ABCC4: variants seen among roughly 807,000 people sequenced by gnomAD.
ABCC4 encodes the protein ATP binding cassette subfamily C member 4 (PEL blood group).
A neutral mutation model predicts 168.5 loss-of-function variants in ABCC4; 102 were observed. The ratio of observed to expected loss-of-function variants is 0.61; its 90% confidence interval spans 0.52 to 0.71. ABCC4 has a LOEUF of 0.71. Ranked by LOEUF, ABCC4 falls within the 30% of genes least tolerant of loss-of-function variation. The pLI is 0.00. For missense variants in ABCC4, 1,402 were observed against 1,605.8 expected, an observed-to-expected ratio of 0.87 and a Z score of 2.17; for synonymous variants, 617 against 590.7, an observed-to-expected ratio of 1.04 and a Z score of -0.65.
At chr13:95,116,066 G>A (rs1177009225) in intron 19 of ABCC4, 65 bp from the exon 20 acceptor site, 44 of 1,207,278 alleles carry the variant, frequency 3.6e-5, no homozygotes, top group African/African-American at 9.2e-5. Flanking sequence ...GAAACAATTC[G>A]CAAACAAATC....
intron 18 of ABCC4, chr13:95,161,813 C>T (rs1187553267): frequency 6.6e-6 from 1 of 152,140 alleles, no homozygotes; most frequent in Non-Finnish European, 1.5e-5. Flanking sequence ...TTTAAAAATA[C>T]CGTATTAAGT....
chr13:95,195,620 A>G (rs1035501265), intron 8 of ABCC4, among the ~76,000 whole-genome samples: 2 of 152,060 alleles, frequency 1.3e-5, no homozygotes, highest in African/African-American at 4.8e-5. Flanking sequence ...TCTTTTCACA[A>G]TCACCTATTA....
rs1212411001 is a variant in ABCC4 at position 95,188,482 on chromosome 13, C to T, written c.1324G>A (p.Ala442Thr). Reference sequence around the variant, plus strand: ...CCTGCTCCCACGGGGCCGACCACAGCTAACAATTCGCCAGGTCTGACAGTA... The same window carrying T: ...CCTGCTCCCACGGGGCCGACCACAGTTAACAATTCGCCAGGTCTGACAGTA... ...SFTVRPGELL[A>T]VVGPVGAGKS... Residue 442 changes from alanine to threonine, a missense_variant, in exon 10 of 31, where the codon GCT becomes ACT. Physicochemically the swap from Ala to Thr is moderately conservative, Grantham distance 58. Coordinates refer to ENST00000645237, the MANE Select transcript of ABCC4 (RefSeq NM_005845.5). 9.3e-6 allele frequency: 15 copies of T among 1,614,042 alleles called. No homozygotes were observed. The highest frequency in any genetic ancestry group is 1.3e-5 in the Non-Finnish European group (15 of 1,180,016).
intron 3 of ABCC4, among the ~76,000 whole-genome samples, chr13:95,245,284 T>G (rs2040076855): frequency 1.3e-5 from 2 of 152,214 alleles, no homozygotes; most frequent in Non-Finnish European, 2.9e-5. Flanking sequence ...GAGGGAGGCA[T>G]GCCTCGAAAC....
At chr13:95,141,086 GA>G (rs2036303589) in intron 19 of ABCC4, among the ~76,000 whole-genome samples, 2 of 152,202 alleles carry the variant, frequency 1.3e-5, no homozygotes, top group African/African-American at 4.8e-5. Flanking sequence ...TCCCTCAGAT[GA>G]AAAGTCGTGT....
In ABCC4 at chr13:95,137,241, A is replaced by G. The variant is rs553873715; in HGVS notation, c.2456-21240T>C. ...AGATCACTGGTCTTTAAAACACTCA[A>G]GTAAGAGCTCTCACCAGGAAGGCCA... On this transcript the variant is annotated intron_variant, in intron 19 of 30. Coordinates refer to ENST00000645237, the MANE Select transcript of ABCC4 (RefSeq NM_005845.5). 2.6e-5 allele frequency among the ~76,000 whole-genome samples: 4 copies of G among 152,336 alleles called. No individual in the cohort carries two copies. In the East Asian group the frequency reaches 5.8e-4, roughly 22 times the overall value.
chr13:95,207,216 C>T (rs567111334), intron 7 of ABCC4, among the ~76,000 whole-genome samples: 11 of 152,160 alleles, frequency 7.2e-5, no homozygotes, highest in African/African-American at 1.7e-4. Flanking sequence ...TTAGTAGAGA[C>T]AGGGTTTCAC....
chr13:95,196,761 G>GA (rs894420343), intron 8 of ABCC4, among the ~76,000 whole-genome samples: 4 of 151,392 alleles, frequency 2.6e-5, no homozygotes, highest in African/African-American at 9.7e-5. Flanking sequence ...AGGAAAGAAA[G>GA]AAAAAAGACC....
chr13:95,026,163 C>CG (rs2031534081), intron 30 of ABCC4, among the ~76,000 whole-genome samples: 1 of 152,066 alleles, frequency 6.6e-6, no homozygotes, highest in African/African-American at 2.4e-5. Context: ...TTGCTTGAAC[C>CG]GGGAGTTGGA....
At chr13:95,103,486 T>C (rs905291858) in intron 20 of ABCC4, among the ~76,000 whole-genome samples, 1 of 152,206 alleles carries the variant, frequency 6.6e-6, no homozygotes, top group Non-Finnish European at 1.5e-5. Context: ...CTGACAGCTT[T>C]AACAGTTGAT....
intron 30 of ABCC4, among the ~76,000 whole-genome samples, chr13:95,028,447 G>C (rs1173533127): frequency 6.6e-6 from 1 of 151,956 alleles, no homozygotes; most frequent in East Asian, 1.9e-4. Context: ...AAACAGAAAA[G>C]AAATGAACAG....
chr13:95,259,858 A>G (rs114831792), intron 1 of ABCC4, among the ~76,000 whole-genome samples: 20 of 60,138 alleles, frequency 3.3e-4, no homozygotes, highest in African/African-American at 2.6e-3. Context: ...AGTGTGGGGA[A>G]AAAAAAAAAA....
chr13:95,031,345 T>C (rs73555559), intron 30 of ABCC4, among the ~76,000 whole-genome samples: 1 of 152,312 alleles, frequency 6.6e-6, no homozygotes, highest in Admixed American at 6.5e-5. Flanking sequence ...TAGCTGCATC[T>C]TGGATACCAA....
chr13:95,282,362 G>A (rs1355511429), intron 1 of ABCC4, among the ~76,000 whole-genome samples: 1 of 152,098 alleles, frequency 6.6e-6, no homozygotes, highest in African/African-American at 2.4e-5. Context: ...CTTTGGAAGT[G>A]CACCCTTGCA....
chr13:95,129,300 A>T (rs2035882564), intron 19 of ABCC4, among the ~76,000 whole-genome samples: 1 of 152,234 alleles, frequency 6.6e-6, no homozygotes, highest in Non-Finnish European at 1.5e-5. Context: ...TTTACCTGGC[A>T]CAAGTTTACT....
chr13:95,109,895 C>T (rs1470165716), intron 20 of ABCC4, among the ~76,000 whole-genome samples: 1 of 152,120 alleles, frequency 6.6e-6, no homozygotes. Flanking sequence ...TCAATAAATG[C>T]TTCTCAGGTG....
chr13:95,270,411 G>A (rs918588514), intron 1 of ABCC4, among the ~76,000 whole-genome samples: 2 of 151,574 alleles, frequency 1.3e-5, no homozygotes, highest in Non-Finnish European at 2.9e-5. Context: ...AATAGTGACT[G>A]CTGAACTACA....
At chr13:95,232,456 A>G (rs757749858) in intron 4 of ABCC4, among the ~76,000 whole-genome samples, 1 of 152,126 alleles carries the variant, frequency 6.6e-6, no homozygotes, top group Non-Finnish European at 1.5e-5. Flanking sequence ...AGACGGGCAG[A>G]TCACAAGGTC....
intron 25 of ABCC4, among the ~76,000 whole-genome samples, chr13:95,063,205 G>A (rs1445450549): frequency 6.6e-6 from 1 of 152,186 alleles, no homozygotes; most frequent in Admixed American, 6.5e-5. Context: ...AAAAAGAGTT[G>A]AAAATAACAG....
Sources: gnomAD v4.1 joint callset for allele counts (sites outside exome capture counted in the v4.1 genomes callset) on GRCh38, gnomAD v4.1.1 for gene constraint, MANE v1.5 for transcripts, NCBI Gene and HGNC (gene_info 2026-07-23, HGNC 2026-07-21) for gene names.